SLC2A12: variants seen among roughly 807,000 people sequenced by gnomAD.
SLC2A12 encodes the protein solute carrier family 2 member 12, also known as solute carrier family 2, facilitated glucose transporter member 12.
Under a neutral mutation model 41.8 loss-of-function variants are expected in SLC2A12, and 23 were observed. The observed-to-expected ratio is 0.55, with a 90% CI of 0.40 to 0.78. The LOEUF is 0.78. SLC2A12 is among the 30% of genes least tolerant of loss of function. The pLI, the probability that SLC2A12 is intolerant of heterozygous loss-of-function variation, is 0.00. For synonymous variants in SLC2A12, 295 were observed against 285.9 expected (o/e 1.03, Z -0.32); for missense variants, 654 against 745.6 (o/e 0.88, Z 1.43).
intron 4 of SLC2A12, among the ~76,000 whole-genome samples, chr6:133,991,966 A>T (rs1280057475): frequency 1.3e-5 from 2 of 152,154 alleles, no homozygotes; most frequent in Admixed American, 1.3e-4. Flanking sequence ...GGGAAGGAGA[A>T]AAAAGGGTTT....
chr6:134,027,995 C>G (rs1777137379), intron 2 of SLC2A12, among the ~76,000 whole-genome samples: 1 of 152,042 alleles, frequency 6.6e-6, no homozygotes, highest in Non-Finnish European at 1.5e-5. Flanking sequence ...AAATCTAAAC[C>G]CTTGATTTTT....
At chr6:134,003,338 T>G (rs1776775557) in intron 3 of SLC2A12, among the ~76,000 whole-genome samples, 1 of 152,158 alleles carries the variant, frequency 6.6e-6, no homozygotes, top group African/African-American at 2.4e-5. Flanking sequence ...TGGGTGTCCT[T>G]CCTTCTCTGG....
intron 4 of SLC2A12, among the ~76,000 whole-genome samples, chr6:133,998,321 A>T (rs1204371077): frequency 2.6e-5 from 4 of 152,168 alleles, no homozygotes; most frequent in Non-Finnish European, 5.9e-5. Flanking sequence ...TTGGTTTGCA[A>T]TTTGATACAA....
intron 2 of SLC2A12, among the ~76,000 whole-genome samples, chr6:134,027,685 T>C (rs1777133491): frequency 6.6e-6 from 1 of 152,186 alleles, no homozygotes; most frequent in Admixed American, 6.5e-5. Context: ...AACAGCCTAT[T>C]CTAGTAAATC....
At chr6:134,007,817 C>T (rs77603472) in intron 2 of SLC2A12, among the ~76,000 whole-genome samples, 7,746 of 152,148 alleles carry the variant, frequency 0.051, 388 homozygotes, top group African/African-American at 0.13. Flanking sequence ...GGAACTATTA[C>T]GAAACCTCTT....
At chr6:134,042,784 G>C (rs1298606814) in intron 1 of SLC2A12, among the ~76,000 whole-genome samples, 3 of 152,078 alleles carry the variant, frequency 2.0e-5, no homozygotes, top group Non-Finnish European at 4.4e-5. Context: ...GAGCAACATA[G>C]TAAGACTCTG....
chr6:134,035,178 T>C (rs908477752), intron 1 of SLC2A12, among the ~76,000 whole-genome samples: 3 of 132,784 alleles, frequency 2.3e-5, no homozygotes, highest in African/African-American at 5.5e-5. Context: ...AAAAAAACTG[T>C]GTGTGCATGC....
At chr6:134,045,369 T>G (rs189645740) in intron 1 of SLC2A12, among the ~76,000 whole-genome samples, 12 of 152,272 alleles carry the variant, frequency 7.9e-5, no homozygotes, top group Admixed American at 7.8e-4. Context: ...AAGGTTCAGA[T>G]CACTGTGCTG....
In SLC2A12 at chr6:134,023,817, T is replaced by C. The variant is rs914274581; in HGVS notation, c.1444+4564A>G. Among the ~76,000 whole-genome samples the C allele has an allele frequency of 2.0e-5, 3 of 152,204 alleles. 1 individual carries two copies. The highest frequency in any genetic ancestry group is 7.2e-5 in the African/African-American group (3 of 41,458). On this transcript the variant is annotated intron_variant, in intron 2 of 4. Transcript: ENST00000275230. ...ACTGAATTTAGGGCCCTTGACCTTT[T>C]GAAATTTTTTCCCCCACAGTCACGT... is the stretch of plus-strand genomic sequence containing the variant.
At position 134,013,455 on chromosome 6, in the gene SLC2A12, A is replaced by T. The variant is rs1776915290; in HGVS notation, c.1445-6521T>A. ...AAATATCTTACATATTTTAGAAATG[A>T]TTGTTAAACAGGAAAAATGAAAATA... is the stretch of plus-strand genomic sequence containing the variant. On this transcript the variant is annotated intron_variant, in intron 2 of 4. Coordinates refer to ENST00000275230, the MANE Select transcript of SLC2A12 (RefSeq NM_145176.3). 2.0e-5 allele frequency among the ~76,000 whole-genome samples: 3 copies of T among 152,168 alleles called. No individual in the cohort carries two copies. In the South Asian group the frequency reaches 6.2e-4, roughly 31 times the overall value.
In SLC2A12 at chr6:134,028,625, G is replaced by A; in HGVS notation, c.1200C>T (p.Asn400=). The A allele has an allele frequency of 6.2e-7, 1 of 1,614,188 alleles. No individual in the cohort carries two copies. The highest frequency in any genetic ancestry group is 8.5e-7 in the Non-Finnish European group (1 of 1,180,022). The change falls in exon 2 of 5, where the codon AAC becomes AAT. Residue 400 remains asparagine (N), a synonymous_variant. Coordinates refer to ENST00000275230, the MANE Select transcript of SLC2A12 (RefSeq NM_145176.3). Reference sequence around the variant, plus strand: ...TGAAGTGGTCTCTGAGAGTATTGTTGTTGGTTGACAGGTTTCCTGGTCCAT... The same window carrying A: ...TGAAGTGGTCTCTGAGAGTATTGTTATTGGTTGACAGGTTTCCTGGTCCAT... ...VIYGPGNLST[N]NNTLRDHFKG...
At position 133,989,761 on chromosome 6, in the gene SLC2A12, C is replaced by G. The variant is rs1776594754; in HGVS notation, c.*1394G>C. 1 of 152,144 alleles carries G rather than the reference C, an allele frequency of 6.6e-6. No individual in the cohort carries two copies. The highest frequency in any genetic ancestry group is 1.5e-5 in the Non-Finnish European group (1 of 68,016). The allele number at this position is 152,144 out of a possible 1,614,324, so 9.4% of individuals were successfully genotyped here. On this transcript the variant is annotated 3_prime_UTR_variant, in exon 5 of 5. Transcript: ENST00000275230. ...ATTGTTATAAAGGAATGTAATAGAT[C>G]ATGTTTCCTTATATGACATTGGGAC...
intron 1 of SLC2A12, among the ~76,000 whole-genome samples, chr6:134,031,985 T>C (rs1372318241): frequency 6.6e-6 from 1 of 152,172 alleles, no homozygotes; most frequent in Non-Finnish European, 1.5e-5. Flanking sequence ...GAATCAGAAC[T>C]GAGGTGTAAG....
At chr6:134,032,625 T>C (rs182339461) in intron 1 of SLC2A12, among the ~76,000 whole-genome samples, 1 of 147,192 alleles carries the variant, frequency 6.8e-6, no homozygotes, top group African/African-American at 2.5e-5. Flanking sequence ...TGCCCCAAAC[T>C]AGCTTTCCCA....
chr6:134,019,785 G>C (rs911055943), intron 2 of SLC2A12, among the ~76,000 whole-genome samples: 1 of 152,126 alleles, frequency 6.6e-6, no homozygotes, highest in Non-Finnish European at 1.5e-5. Flanking sequence ...ACTTTGGGAG[G>C]CCAAGGCAGG....
At chr6:134,035,433 C>T (rs997599141) in intron 1 of SLC2A12, among the ~76,000 whole-genome samples, 3 of 150,990 alleles carry the variant, frequency 2.0e-5, no homozygotes, top group Non-Finnish European at 4.4e-5. Flanking sequence ...CACAGTGAGG[C>T]CCAAAAAATC....
chr6:134,007,858 G>C (rs542368420), intron 2 of SLC2A12, among the ~76,000 whole-genome samples: 22 of 152,304 alleles, frequency 1.4e-4, no homozygotes, highest in East Asian at 1.2e-3. Context: ...GCTTAGAAGA[G>C]TTACTTGCCA....
At chr6:133,996,308 A>G (rs1213754935) in intron 4 of SLC2A12, among the ~76,000 whole-genome samples, 2 of 152,208 alleles carry the variant, frequency 1.3e-5, no homozygotes, top group African/African-American at 4.8e-5. Context: ...AGCTGGGGGG[A>G]AAAGTAAATC....
chr6:133,997,085 C>CAAAAAAAAA (rs58295985), intron 4 of SLC2A12, among the ~76,000 whole-genome samples: 1,439 of 69,830 alleles, frequency 0.021, 3 homozygotes, highest in Non-Finnish European at 0.026. Context: ...ACTAAAAATA[C>CAAAAAAAAA]AAAAAAAAAA....
Sources: gnomAD v4.1 joint callset for allele counts (sites outside exome capture counted in the v4.1 genomes callset) on GRCh38, gnomAD v4.1.1 for gene constraint, MANE v1.5 for transcripts, NCBI Gene and HGNC (gene_info 2026-07-23, HGNC 2026-07-21) for gene names.